The following TRIM14 variants were observed in gnomAD, a reference collection of about 807,000 sequenced individuals.
The protein encoded by TRIM14 is tripartite motif-containing protein 14.
Under a neutral mutation model 44.5 loss-of-function variants are expected in TRIM14, and 28 were observed. The ratio of observed to expected loss-of-function variants is 0.63; its 90% confidence interval spans 0.47 to 0.86. TRIM14 has a LOEUF of 0.86. Among genes scored for constraint, TRIM14 ranks in the 40% least tolerant of loss-of-function variants. TRIM14 has a pLI of 0.00. For synonymous variants in TRIM14, 299 were observed against 269.2 expected (o/e 1.11, Z -1.08); for missense variants, 607 against 611.1 (o/e 0.99, Z 0.07).
chr9:98,083,142 T>A, downstream of TRIM14: 1 of 1,304,358 alleles, frequency 7.7e-7, no homozygotes, highest in Non-Finnish European at 1.1e-6. Flanking sequence ...AATGGCGGTC[T>A]CCAGGGACCT....
At chr9:98,114,291 T>G (rs546300118) in intron 1 of TRIM14, among the ~76,000 whole-genome samples, 2 of 152,328 alleles carry the variant, frequency 1.3e-5, no homozygotes, top group East Asian at 1.9e-4. Flanking sequence ...CTAGTCAATT[T>G]CATCTTTGAC....
At chr9:98,096,013 C>G (rs1826173786) in intron 3 of TRIM14, among the ~76,000 whole-genome samples, 1 of 152,194 alleles carries the variant, frequency 6.6e-6, no homozygotes, top group Non-Finnish European at 1.5e-5. Flanking sequence ...AGGTAAGAAC[C>G]ATGGCTGCAT....
At chr9:98,101,396 C>T (rs537610661) in intron 2 of TRIM14, among the ~76,000 whole-genome samples, 1 of 151,394 alleles carries the variant, frequency 6.6e-6, no homozygotes, top group South Asian at 2.1e-4. Context: ...TGGTACTTCG[C>T]TTTTAGAGGA....
At chr9:98,092,104 A>C in intron 4 of TRIM14, 103 bp from the exon 5 acceptor site, 1 of 827,934 alleles carries the variant, frequency 1.2e-6, no homozygotes, top group Non-Finnish European at 1.8e-6. Flanking sequence ...AATCTCGCCC[A>C]AGAGCCAGGC....
At chr9:98,078,735 T>TGAGGCAGGAGAATCGCTTG (rs1829707198) in intron 6 of TRIM14, among the ~76,000 whole-genome samples, 3 of 149,944 alleles carry the variant, frequency 2.0e-5, no homozygotes, top group Non-Finnish European at 2.9e-5. Flanking sequence ...CTCAGGAGGC[T>TGAGGCAGGAGAATCGCTTG]GAGGCAGGAG....
At chr9:98,091,529 T>C (rs1014899506) in intron 5 of TRIM14, among the ~76,000 whole-genome samples, 21 of 152,014 alleles carry the variant, frequency 1.4e-4, no homozygotes, top group African/African-American at 5.1e-4. Flanking sequence ...TCATAATATA[T>C]CAGTAAATGA....
chr9:98,105,581 AAAAC>A (rs796738149), intron 2 of TRIM14, among the ~76,000 whole-genome samples: 15 of 152,336 alleles, frequency 9.8e-5, no homozygotes, highest in Admixed American at 7.2e-4. Flanking sequence ...TCTGTCTCAA[AAAAC>A]AAACAAACAA....
the TRIM14 span, among the ~76,000 whole-genome samples, chr9:98,063,022 C>T: frequency 2.7e-5 from 4 of 150,592 alleles, no homozygotes; most frequent in African/African-American, 7.3e-5. Flanking sequence ...CTGCAACCCC[C>T]GCCTCCCAGG....
chr9:98,087,259 G>C lies in TRIM14; in HGVS notation c.*211C>G, dbSNP rs1564171324. The C allele has an allele frequency of 1.2e-6, 1 of 821,904 alleles. No homozygotes were observed. Among genetic ancestry groups the C allele is most frequent in the Non-Finnish European group, 2.2e-6 (1 of 457,210 alleles). 50.9% of individuals were successfully genotyped at this position (821,904 alleles called of 1,614,324 possible). A position where few individuals can be genotyped will look rare whatever the true frequency, so the allele number is the denominator to read the frequency against. On this transcript the variant is annotated 3_prime_UTR_variant, in exon 6 of 6. Coordinates refer to ENST00000341469, the MANE Select transcript of TRIM14 (RefSeq NM_014788.4). ...TGAGGGTGCGGAGGTCTGATGAGAG[G>C]GCAGCAGCAGACTTGTTTAGGGCCT... is the stretch of plus-strand genomic sequence containing the variant.
Position 98,094,934 on chromosome 9 carries a change from G to A in TRIM14, c.633C>T (p.Phe211=), listed in dbSNP as rs964009737. 9 of 1,614,092 alleles carry A rather than the reference G, an allele frequency of 5.6e-6. No individual in the cohort carries two copies. The African/African-American group carries it at 1.2e-4, about 22-fold the overall frequency. Reference sequence around the variant, plus strand: ...CCACGGCTTCCACGAGGCCCTTAAAGAAGCTCTTGACGGGCTCAAAGGAGA... The same window carrying A: ...CCACGGCTTCCACGAGGCCCTTAAAAAAGCTCTTGACGGGCTCAAAGGAGA... ...VPLSFEPVKS[F]FKGLVEAVES... is the part of the protein sequence containing the mutation. The change falls in exon 4 of 6, where the codon TTC becomes TTT. Residue 211 remains phenylalanine, a synonymous_variant. Coordinates refer to ENST00000341469, the MANE Select transcript of TRIM14 (RefSeq NM_014788.4).
chr9:98,052,393 GA>G, the TRIM14 span, among the ~76,000 whole-genome samples: 1 of 151,830 alleles, frequency 6.6e-6, no homozygotes, highest in Admixed American at 6.6e-5. Flanking sequence ...TCCAAGAAGA[GA>G]AAAGAAAACA....
chr9:98,107,301 A>C (rs1826652167), intron 2 of TRIM14, among the ~76,000 whole-genome samples: 2 of 152,242 alleles, frequency 1.3e-5, no homozygotes, highest in Non-Finnish European at 2.9e-5. Flanking sequence ...TAACACAGAT[A>C]AATGAAAACT....
At chr9:98,113,486 C>G (rs950882606) in intron 1 of TRIM14, among the ~76,000 whole-genome samples, 3 of 152,152 alleles carry the variant, frequency 2.0e-5, no homozygotes, top group African/African-American at 7.2e-5. Context: ...CCCCAAGTAG[C>G]TGGGACTATA....
chr9:98,064,934 T>G (rs967426656), downstream of TRIM14, among the ~76,000 whole-genome samples: 3 of 152,174 alleles, frequency 2.0e-5, no homozygotes, highest in South Asian at 6.2e-4. Context: ...GGGACAGATT[T>G]TTTTTTTAAA....
chr9:98,091,189 T>G (rs1380154786), intron 5 of TRIM14, among the ~76,000 whole-genome samples: 2 of 152,230 alleles, frequency 1.3e-5, no homozygotes, highest in Non-Finnish European at 2.9e-5. Flanking sequence ...GGATGTTTAT[T>G]ACAGCATTGT....
chr9:98,093,267 G>A (rs1350638587), intron 4 of TRIM14, among the ~76,000 whole-genome samples: 1 of 152,008 alleles, frequency 6.6e-6, no homozygotes, highest in African/African-American at 2.4e-5. Flanking sequence ...CTCCCATCGC[G>A]CCTCAGGACC....
At chr9:98,057,314 C>T in the TRIM14 span, among the ~76,000 whole-genome samples, 2 of 152,202 alleles carry the variant, frequency 1.3e-5, no homozygotes, top group African/African-American at 4.8e-5. Context: ...GACTGGGCCC[C>T]TTCCAGCCCG....
intron 2 of TRIM14, among the ~76,000 whole-genome samples, chr9:98,107,192 T>C (rs1826646540): frequency 6.6e-6 from 1 of 152,170 alleles, no homozygotes; most frequent in South Asian, 2.1e-4. Context: ...CTGGTGGGAA[T>C]GTAAAATGGC....
intron 1 of TRIM14, among the ~76,000 whole-genome samples, chr9:98,114,168 CA>C (rs750140622): frequency 6.6e-6 from 1 of 152,120 alleles, no homozygotes; most frequent in Non-Finnish European, 1.5e-5. Flanking sequence ...TAATGTGTTC[CA>C]AAATTGTATG....
Sources: gnomAD v4.1 joint callset for allele counts (sites outside exome capture counted in the v4.1 genomes callset) on GRCh38, gnomAD v4.1.1 for gene constraint, MANE v1.5 for transcripts, NCBI Gene and HGNC (gene_info 2026-07-23, HGNC 2026-07-21) for gene names.